The following TENM2 variants were observed in gnomAD, a reference collection of about 807,000 sequenced individuals.
TENM2 encodes the protein teneurin transmembrane protein 2.
Under a neutral mutation model 245.2 loss-of-function variants are expected in TENM2, and 52 were observed. The ratio of observed to expected loss-of-function variants is 0.21; its 90% CI spans 0.17 to 0.27. TENM2 has a LOEUF of 0.27. TENM2 is among the 10% of genes least tolerant of loss of function. The pLI is 1.00. For missense variants in TENM2, 3,046 were observed against 3,666.8 expected, an observed-to-expected ratio of 0.83 and a Z score of 4.37; for synonymous variants, 1,363 against 1,438.9, an observed-to-expected ratio of 0.95 and a Z score of 1.19.
chr5:168,002,237 T>G (rs1239550339), intron 5 of TENM2, among the ~76,000 whole-genome samples: 3 of 152,218 alleles, frequency 2.0e-5, no homozygotes, highest in African/African-American at 7.2e-5. Context: ...GGATGGGTTT[T>G]CATTTGAGTT....
the TENM2 span, among the ~76,000 whole-genome samples, chr5:167,132,425 G>C: frequency 6.6e-6 from 1 of 152,152 alleles, no homozygotes. Context: ...CTGAGGGAGA[G>C]AGAGAGTGAG....
intron 2 of TENM2, among the ~76,000 whole-genome samples, chr5:167,627,762 G>A (rs1778605207): frequency 6.6e-6 from 1 of 151,966 alleles, no homozygotes; most frequent in African/African-American, 2.4e-5. Context: ...TCATCATGTT[G>A]GCCAGGCTGG....
chr5:167,827,639 G>GA lies in TENM2; in HGVS notation c.503-48345dup, dbSNP rs4044183. On this transcript the variant is annotated intron_variant, in intron 2 of 28. Coordinates refer to ENST00000518659, the Ensembl canonical transcript of TENM2. The stretch of plus-strand genomic sequence containing the variant: ...AGGAGCTAGGTGGGCGGGGGGGGGG[G>GA]AACAGTTTAATGAGCGTGAATGAAA... Among the ~76,000 whole-genome samples the GA allele has an allele frequency of 3.6e-5, 4 of 109,938 alleles. 1 individual carries two copies. The highest frequency in any genetic ancestry group is 7.5e-5 in the Non-Finnish European group (4 of 53,458). The allele number at this position is 109,938 out of a possible 152,430, so 72.1% of individuals were successfully genotyped here.
At chr5:167,043,128 T>C in the TENM2 span, among the ~76,000 whole-genome samples, 2 of 152,236 alleles carry the variant, frequency 1.3e-5, no homozygotes, top group Admixed American at 6.5e-5. Context: ...AGTTACCTGT[T>C]CATTTGCTTA....
At chr5:167,809,679 A>AT (rs1201885617) in intron 2 of TENM2, among the ~76,000 whole-genome samples, 4 of 151,968 alleles carry the variant, frequency 2.6e-5, no homozygotes, top group South Asian at 2.1e-4. Context: ...GTGTTGGCTA[A>AT]TTTTTTTTAA....
At chr5:167,637,974 TA>T (rs75360328) in intron 2 of TENM2, among the ~76,000 whole-genome samples, 1,999 of 142,422 alleles carry the variant, frequency 0.014, 29 homozygotes, top group African/African-American at 0.038. Flanking sequence ...GAACTTAAAG[TA>T]AAAAAAAAAA....
intron 2 of TENM2, among the ~76,000 whole-genome samples, chr5:167,742,299 G>A (rs374540416): frequency 7.1e-4 from 107 of 149,854 alleles, no homozygotes; most frequent in African/African-American, 2.4e-3. Context: ...TTCCTATAGT[G>A]CTTACCCCAG....
the TENM2 span, among the ~76,000 whole-genome samples, chr5:167,136,649 GAA>G: frequency 6.6e-6 from 1 of 152,112 alleles, no homozygotes; most frequent in African/African-American, 2.4e-5. Context: ...ACTCAAATGA[GAA>G]AGAATTTCTG....
the TENM2 span, among the ~76,000 whole-genome samples, chr5:167,008,631 A>G: frequency 2.0e-5 from 3 of 152,058 alleles, no homozygotes; most frequent in African/African-American, 7.2e-5. Context: ...TTTTTCTATC[A>G]TGTGGGTTGC....
At chr5:167,740,643 G>A (rs913531698) in intron 2 of TENM2, among the ~76,000 whole-genome samples, 2 of 152,126 alleles carry the variant, frequency 1.3e-5, no homozygotes, top group African/African-American at 4.8e-5. Context: ...AAACACAAAT[G>A]GGGTACGGCC....
chr5:168,244,651 C>A lies in TENM2; in HGVS notation c.5752C>A (p.Gln1918Lys). The A allele has an allele frequency of 3.9e-6, 6 of 1,558,018 alleles. No individual in the cohort carries two copies. Among genetic ancestry groups the A allele is most frequent in the Middle Eastern group, 1.7e-4 (1 of 5,828 alleles). Residue 1918 changes from glutamine to lysine, a missense_variant, in exon 26 of 29, where the codon CAA becomes AAA. Gln to Lys is a moderately conservative substitution (Grantham distance 53, BLOSUM62 1). Coordinates refer to ENST00000518659, the Ensembl canonical transcript of TENM2. The surrounding 1 kb of genome is among the most constrained non-coding windows in gnomAD (Gnocchi z 4.9). Reference sequence around the variant, plus strand: ...GAGCGAGAGGACAGACATCGACAAGCAAGGCCGCATCGTGTCCCGCATGTT... The same window carrying A: ...GAGCGAGAGGACAGACATCGACAAGAAAGGCCGCATCGTGTCCCGCATGTT...
At chr5:167,244,612 G>A in the TENM2 span, among the ~76,000 whole-genome samples, 18 of 152,232 alleles carry the variant, frequency 1.2e-4, no homozygotes, top group Non-Finnish European at 2.5e-4. Context: ...TCTAGGGAGA[G>A]CTTCGCCAGT....
chr5:168,165,644 CCCAA>C lies in TENM2; in HGVS notation c.2569+2890_2569+2893del, dbSNP rs1358849563. Among the ~76,000 whole-genome samples, 25 of 17,980 alleles carry C rather than the reference CCCAA, an allele frequency of 1.4e-3. 1 individual carries two copies. The highest frequency in any genetic ancestry group is 2.5e-3 in the African/African-American group (7 of 2,806). 11.8% of individuals were successfully genotyped at this position (17,980 alleles called of 152,430 possible). A position where few individuals can be genotyped will look rare whatever the true frequency, so the allele number is the denominator to read the frequency against. On this transcript the variant is annotated intron_variant, in intron 13 of 28. Transcript: ENST00000518659. ...ACCAGGCACAATTCAGGATCCCCCCCCCAACCCCCCCCCCCCCCCCGGCTGGCAG... is the reference window on the plus strand; with the variant it reads ...ACCAGGCACAATTCAGGATCCCCCCCCCCCCCCCCCCCCCCCGGCTGGCAG...
At chr5:167,384,571 G>A (rs1343390137) in intron 2 of TENM2, among the ~76,000 whole-genome samples, 1 of 152,202 alleles carries the variant, frequency 6.6e-6, no homozygotes, top group Non-Finnish European at 1.5e-5. Flanking sequence ...AGAGCTGTGA[G>A]CTTCATCTTA....
chr5:167,356,217 A>AAAAAGAAAAATT (rs1759321624), intron 1 of TENM2, among the ~76,000 whole-genome samples: 3 of 129,098 alleles, frequency 2.3e-5, no homozygotes, highest in African/African-American at 9.6e-5. Context: ...AAAAAAAAAA[A>AAAAAGAAAAATT]AAAATTAAAA....
At chr5:167,586,141 T>G (rs996979990) in intron 2 of TENM2, among the ~76,000 whole-genome samples, 2 of 147,572 alleles carry the variant, frequency 1.4e-5, no homozygotes, top group African/African-American at 5.0e-5. Flanking sequence ...AAATACAAAG[T>G]AAGAGTACGA....
At chr5:167,586,137 AAAGT>A (rs1267722617) in intron 2 of TENM2, among the ~76,000 whole-genome samples, 1 of 149,980 alleles carries the variant, frequency 6.7e-6, no homozygotes, top group East Asian at 2.0e-4. Context: ...AAAAAAATAC[AAAGT>A]AAGAGTACGA....
chr5:168,122,309 T>TG (rs1795524361), intron 10 of TENM2, among the ~76,000 whole-genome samples: 2 of 152,238 alleles, frequency 1.3e-5, no homozygotes, highest in Non-Finnish European at 2.9e-5. Flanking sequence ...CCCAAGTAGC[T>TG]GGGACTACAG....
At chr5:167,807,635 A>C (rs199552551) in intron 2 of TENM2, among the ~76,000 whole-genome samples, 3 of 129,088 alleles carry the variant, frequency 2.3e-5, no homozygotes, top group Non-Finnish European at 5.3e-5. Context: ...AAAAAAAAAA[A>C]AAAAGAGACA....
Sources: allele counts gnomAD v4.1 joint callset (sites outside exome capture counted in the v4.1 genomes callset), GRCh38; gene constraint gnomAD v4.1.1; non-coding constraint Gnocchi (gnomAD v3.1); transcripts MANE v1.5; gene names NCBI Gene and HGNC (gene_info 2026-07-23, HGNC 2026-07-21).